Variants in PARP8 observed in about 807,000 individuals in gnomAD.
PARP8 encodes poly(ADP-ribose) polymerase family member 8.
PARP8 carries 51 observed loss-of-function variants against 124.1 expected under a neutral mutation model. The ratio of observed to expected loss-of-function variants is 0.41; its 90% CI spans 0.33 to 0.52. The LOEUF is 0.52. Ranked by LOEUF, PARP8 falls within the 20% of genes least tolerant of loss-of-function variation. The pLI is 0.21. For synonymous variants in PARP8, 391 were observed against 361.5 expected, an observed-to-expected ratio of 1.08 and a Z score of -0.93; for missense variants, 860 against 1,018.9, an observed-to-expected ratio of 0.84 and a Z score of 2.12.
At chr5:50,774,172 C>G (rs1005000184) in intron 7 of PARP8, among the ~76,000 whole-genome samples, 3 of 152,208 alleles carry the variant, frequency 2.0e-5, no homozygotes, top group African/African-American at 7.2e-5. Context: ...TATAGATTAA[C>G]AGCATCCCAA....
At chr5:50,779,132 C>A (rs1257990720) in intron 9 of PARP8, among the ~76,000 whole-genome samples, 1 of 151,988 alleles carries the variant, frequency 6.6e-6, no homozygotes, top group Non-Finnish European at 1.5e-5. Context: ...TATCATAAGT[C>A]TTGCCAAAAT....
At chr5:50,700,688 C>T (rs1753500742) in intron 2 of PARP8, among the ~76,000 whole-genome samples, 1 of 152,150 alleles carries the variant, frequency 6.6e-6, no homozygotes, top group Admixed American at 6.6e-5. Flanking sequence ...TGTTTGCAGT[C>T]TCTTGACTAT....
At chr5:50,681,808 C>T (rs1751323454) in intron 2 of PARP8, among the ~76,000 whole-genome samples, 1 of 152,120 alleles carries the variant, frequency 6.6e-6, no homozygotes, top group African/African-American at 2.4e-5. Flanking sequence ...GTCAGGGGCA[C>T]TTCAAGCCCT....
Position 50,751,498 on chromosome 5 carries a change from C to T in PARP8, c.184+1310C>T, listed in dbSNP as rs770180966. On this transcript the variant is annotated intron_variant, in intron 3 of 25. Transcript: ENST00000281631. ...TGCAATAAAATATGATCACAGAAGA[C>T]GGAGATTAGTGCATTCTGGTTTAAA... Among the ~76,000 whole-genome samples the T allele has an allele frequency of 6.6e-5, 10 of 152,072 alleles. No homozygotes were observed. The South Asian group carries it at 8.3e-4, about 13-fold the overall frequency.
intron 25 of PARP8, among the ~76,000 whole-genome samples, chr5:50,837,856 G>A (rs899195136): frequency 7.9e-5 from 12 of 151,586 alleles, no homozygotes; most frequent in African/African-American, 2.9e-4. Context: ...CCAAAATGAA[G>A]AAACTTAATT....
chr5:50,789,245 T>TA (rs1741666688), intron 10 of PARP8, among the ~76,000 whole-genome samples: 1 of 152,032 alleles, frequency 6.6e-6, no homozygotes, highest in African/African-American at 2.4e-5. Flanking sequence ...TATCTATTTT[T>TA]AAAAAACAGA....
chr5:50,813,828 C>A (rs1387341508), intron 14 of PARP8, among the ~76,000 whole-genome samples: 1 of 151,984 alleles, frequency 6.6e-6, no homozygotes, highest in Non-Finnish European at 1.5e-5. Context: ...TATGTACACG[C>A]ACACAGACAC....
intron 25 of PARP8, among the ~76,000 whole-genome samples, chr5:50,839,213 T>G (rs938075447): frequency 1.1e-4 from 17 of 152,194 alleles, no homozygotes; most frequent in East Asian, 9.7e-4. Context: ...TCGTTAAAAT[T>G]TTAGTAATCT....
Position 50,795,138 on chromosome 5 carries a change from A to T in PARP8, c.1149A>T (p.Arg383Ser), listed in dbSNP as rs761314785. 51 of 1,614,076 alleles carry T rather than the reference A, an allele frequency of 3.2e-5. No individual in the cohort carries two copies. The highest frequency in any genetic ancestry group is 4.2e-5 in the Non-Finnish European group (50 of 1,180,042). The change falls in exon 12 of 26, where the codon AGA (arginine) becomes AGT (serine). Residue 383 changes from arginine (R) to serine (S), a missense_variant. This residue lies in a region of PARP8 where 517 missense variants were observed against 544.2 expected (regional missense o/e 0.95). Coordinates refer to ENST00000281631, the MANE Select transcript of PARP8 (RefSeq NM_024615.4). ...AATGCCTAACTCTAAAGTCGCATAGACTATTGACTCGATCTTGTTCTGGAG... is the reference window on the plus strand; with the variant it reads ...AATGCCTAACTCTAAAGTCGCATAGTCTATTGACTCGATCTTGTTCTGGAG... ...SEECLTLKSH[R>S]LLTRSCSGDP... is the part of the protein sequence containing the mutation.
chr5:50,842,046 G>A lies in PARP8; in HGVS notation c.2543G>A (p.Gly848Asp). Residue 848 changes from glycine to aspartate, a missense_variant, in exon 26 of 26, where the codon GGT (glycine) becomes GAT (aspartate). By Grantham distance (94) the Gly-to-Asp change is moderately conservative (BLOSUM62 -1). Transcript: ENST00000281631. ...CACAAAGAGATCCTCCGAGTAATTGGTAATCAAACTGCTACTGGTTAAAGG... is the reference window on the plus strand; with the variant it reads ...CACAAAGAGATCCTCCGAGTAATTGATAATCAAACTGCTACTGGTTAAAGG... ...GIHKEILRVIGNQTATG is the reference protein window; with the variant it reads ...GIHKEILRVIDNQTATG 1 of 1,602,674 alleles carries A rather than the reference G, an allele frequency of 6.2e-7. No homozygotes were observed. Among genetic ancestry groups the A allele is most frequent in the Non-Finnish European group, 8.5e-7 (1 of 1,173,058 alleles).
intron 10 of PARP8, among the ~76,000 whole-genome samples, chr5:50,792,541 G>C (rs940125180): frequency 6.6e-6 from 1 of 151,610 alleles, no homozygotes; most frequent in African/African-American, 2.4e-5. Context: ...CTTTCTTAAA[G>C]AATGGTGCAC....
intron 23 of PARP8, 74 bp downstream of exon 23, chr5:50,832,928 T>C (rs1483769643): frequency 3.2e-5 from 45 of 1,398,116 alleles, no homozygotes; most frequent in Non-Finnish European, 4.5e-5. Context: ...CATGGAAAAA[T>C]AGGCTTTTTA....
chr5:50,829,833 A>G, intron 21 of PARP8, 59 bp from the exon 22 acceptor site: 1 of 1,474,924 alleles, frequency 6.8e-7, no homozygotes, highest in South Asian at 1.4e-5. Flanking sequence ...TGCTTTGTCA[A>G]ATATTATCAT....
At chr5:50,794,402 A>G in intron 11 of PARP8, 70 bp downstream of exon 11, 8 of 1,542,038 alleles carry the variant, frequency 5.2e-6, no homozygotes, top group Non-Finnish European at 7.1e-6. Context: ...TGCTTACAGC[A>G]TTCTTTCTAT....
At position 50,821,167 on chromosome 5, in the gene PARP8, G is replaced by A. The variant is rs1419304206; in HGVS notation, c.1669-46G>A. 2.5e-6 allele frequency: 4 copies of A among 1,609,866 alleles called. No homozygotes were observed. In the Admixed American group the frequency reaches 6.7e-5, roughly 27 times the overall value. On this transcript the variant is annotated intron_variant, in intron 15 of 25. Coordinates refer to ENST00000281631, the MANE Select transcript of PARP8 (RefSeq NM_024615.4). ...GAGGGAGAAACAATGGCAAAGCACT[G>A]GATAAAACCTGAAGGGTAGTAACTA... is the stretch of plus-strand genomic sequence containing the variant.
At chr5:50,773,520 C>T (rs999127188) in intron 7 of PARP8, among the ~76,000 whole-genome samples, 1 of 152,104 alleles carries the variant, frequency 6.6e-6, no homozygotes, top group African/African-American at 2.4e-5. Context: ...TATTCTGTTT[C>T]GTTGGTCTAC....
chr5:50,811,357 T>C (rs931164186), intron 14 of PARP8, among the ~76,000 whole-genome samples: 1 of 151,822 alleles, frequency 6.6e-6, no homozygotes, highest in Non-Finnish European at 1.5e-5. Flanking sequence ...ATTTTGCTTG[T>C]TTGTTATTCG....
intron 3 of PARP8, among the ~76,000 whole-genome samples, chr5:50,754,176 CACACATAT>C (rs1459984966): frequency 0.01 from 331 of 31,648 alleles, 30 homozygotes; most frequent in African/African-American, 0.017. Flanking sequence ...CACACACACA[CACACATAT>C]ATATATATTT....
At chr5:50,837,413 G>C (rs1747702811) in intron 25 of PARP8, among the ~76,000 whole-genome samples, 1 of 152,102 alleles carries the variant, frequency 6.6e-6, no homozygotes, top group African/African-American at 2.4e-5. Flanking sequence ...CCACCCTAAT[G>C]TGTGGTAACA....
Sources: allele counts gnomAD v4.1 joint callset (sites outside exome capture counted in the v4.1 genomes callset), GRCh38; gene constraint gnomAD v4.1.1; regional missense constraint gnomAD v4.1.1; transcripts MANE v1.5; gene names NCBI Gene and HGNC (gene_info 2026-07-23, HGNC 2026-07-21).